The following KLHDC4 variants were observed in gnomAD, a reference collection of about 807,000 sequenced individuals.
KLHDC4 encodes the protein kelch domain containing 4.
Under a neutral mutation model 62.4 loss-of-function variants are expected in KLHDC4, and 90 were observed. The ratio of observed to expected loss-of-function variants is 1.44; its 90% CI spans 1.22 to 1.72. The LOEUF is 1.72. Ranked by LOEUF, KLHDC4 falls within the 40% of genes most tolerant of loss-of-function variation. KLHDC4 has a pLI of 0.00. For missense variants in KLHDC4, 1,025 were observed against 699.7 expected (o/e 1.47, Z -5.25); for synonymous variants, 386 against 284.4 (o/e 1.36, Z -3.59).
At position 87,754,193 on chromosome 16, in the gene KLHDC4, A is replaced by AAT. The variant is rs544634085; in HGVS notation, c.369+999_369+1000dup. Among the ~76,000 whole-genome samples, 40 of 152,108 alleles carry AAT rather than the reference A, an allele frequency of 2.6e-4. No homozygotes were observed. The South Asian group carries it at 8.3e-3, about 32-fold the overall frequency. On this transcript the variant is annotated intron_variant, in intron 4 of 11. Transcript: ENST00000270583. ...AGAAGGCACCTTAGCCACCTAATACAATCCCAGTCAGGTGTGGTGAGGGGT... is the reference window on the plus strand; with the variant it reads ...AGAAGGCACCTTAGCCACCTAATACAATATCCCAGTCAGGTGTGGTGAGGGGT...
At chr16:87,700,287 C>A (rs1189476196) in exon 1 of KLHDC4, 2 of 154,988 alleles carry the variant, frequency 1.3e-5, no homozygotes, top group Admixed American at 6.5e-5. Flanking sequence ...GATTTTCAGT[C>A]GTCGCCTTCC....
At chr16:87,750,635 C>T (rs116605432) in intron 4 of KLHDC4, among the ~76,000 whole-genome samples, 4 of 152,188 alleles carry the variant, frequency 2.6e-5, no homozygotes, top group Non-Finnish European at 5.9e-5. Context: ...AGGTCAAGTG[C>T]GCCTCGGGTG....
At chr16:87,706,051 G>C (rs913061594), downstream of KLHDC4, among the ~76,000 whole-genome samples, 2 of 151,676 alleles carry the variant, frequency 1.3e-5, no homozygotes, top group Non-Finnish European at 2.9e-5. Flanking sequence ...CTGAGGGGAG[G>C]AGGGGTCGGC....
chr16:87,700,914 G>C (rs2034116728), exon 1 of KLHDC4: 1 of 261,988 alleles, frequency 3.8e-6, no homozygotes, highest in Non-Finnish European at 7.5e-6. Flanking sequence ...GAAGGAGTCA[G>C]TCAACTCAGG....
intron 5 of KLHDC4, among the ~76,000 whole-genome samples, chr16:87,732,331 G>A (rs943489139): frequency 4.6e-5 from 7 of 151,946 alleles, no homozygotes; most frequent in Non-Finnish European, 1.0e-4. Flanking sequence ...CCTGACCTCA[G>A]GTGATTTGCC....
At chr16:87,702,140 A>G in exon 1 of KLHDC4, 1 of 456,168 alleles carries the variant, frequency 2.2e-6, no homozygotes, top group Non-Finnish European at 4.4e-6. Flanking sequence ...TGTGGAACAG[A>G]CCGGGAGATT....
At chr16:87,706,284 G>A (rs1285503204), downstream of KLHDC4, among the ~76,000 whole-genome samples, 1 of 129,260 alleles carries the variant, frequency 7.7e-6, no homozygotes, top group African/African-American at 2.9e-5. Flanking sequence ...GTGGCGGGGA[G>A]GGGGGTGAGC....
chr16:87,721,067 A>G (rs1229247754), intron 7 of KLHDC4, among the ~76,000 whole-genome samples: 1 of 152,156 alleles, frequency 6.6e-6, no homozygotes, highest in Admixed American at 6.5e-5. Flanking sequence ...AACCCCCCAC[A>G]GCCAAGACTT....
At chr16:87,754,983 T>C (rs2044635031) in intron 4 of KLHDC4, among the ~76,000 whole-genome samples, 1 of 152,082 alleles carries the variant, frequency 6.6e-6, no homozygotes, top group African/African-American at 2.4e-5. Flanking sequence ...TTTCATGTGA[T>C]CCTCATGCCA....
intron 6 of KLHDC4, 137 bp from the exon 7 acceptor site, chr16:87,727,061 T>C: frequency 1.2e-6 from 1 of 857,504 alleles, no homozygotes; most frequent in East Asian, 2.8e-5. Context: ...CCTCTGCTCT[T>C]ACACCAACAC....
At chr16:87,706,959 C>T (rs1416987521), downstream of KLHDC4, among the ~76,000 whole-genome samples, 1 of 152,152 alleles carries the variant, frequency 6.6e-6, no homozygotes, top group African/African-American at 2.4e-5. Flanking sequence ...CCGGCTCCGC[C>T]AGGAGGGAAG....
At chr16:87,737,430 A>C (rs1350469841) in intron 5 of KLHDC4, among the ~76,000 whole-genome samples, 1 of 151,878 alleles carries the variant, frequency 6.6e-6, no homozygotes, top group Non-Finnish European at 1.5e-5. Context: ...TCTCCTAAAA[A>C]TACAAAAATT....
At chr16:87,710,015 A>G (rs1200264024) in intron 9 of KLHDC4, 1 of 262,704 alleles carries the variant, frequency 3.8e-6, no homozygotes, top group Admixed American at 4.8e-5. Context: ...CACCCTGGGA[A>G]AACCCAATCA....
chr16:87,718,320 C>CCT (rs2037450118), intron 7 of KLHDC4, among the ~76,000 whole-genome samples: 2 of 73,028 alleles, frequency 2.7e-5, no homozygotes, highest in Admixed American at 1.3e-4. Flanking sequence ...TCTCCCTCCC[C>CCT]CTCCCTCTCC....
chr16:87,719,567 AC>A (rs1486238449), intron 7 of KLHDC4, among the ~76,000 whole-genome samples: 1 of 151,962 alleles, frequency 6.6e-6, no homozygotes, highest in Admixed American at 6.6e-5. Context: ...AAAACCAGAG[AC>A]CTTTGTTCAC....
chr16:87,751,612 A>G (rs888054709), intron 4 of KLHDC4, among the ~76,000 whole-genome samples: 4 of 152,182 alleles, frequency 2.6e-5, no homozygotes, highest in Non-Finnish European at 4.4e-5. Flanking sequence ...TACACCTTAC[A>G]TAATCAGTCC....
chr16:87,747,645 G>A (rs1027664831), intron 5 of KLHDC4: 1 of 152,412 alleles, frequency 6.6e-6, no homozygotes, highest in South Asian at 2.1e-4. Context: ...CAGGGAATCT[G>A]TCTGCACCCT....
At chr16:87,744,430 A>C (rs981672136) in intron 5 of KLHDC4, among the ~76,000 whole-genome samples, 2 of 151,746 alleles carry the variant, frequency 1.3e-5, no homozygotes, top group African/African-American at 2.4e-5. Flanking sequence ...AAAAAAAAAA[A>C]AAATTAGCCA....
intron 7 of KLHDC4, among the ~76,000 whole-genome samples, chr16:87,715,699 T>A (rs1423170720): frequency 6.6e-6 from 1 of 152,166 alleles, no homozygotes; most frequent in African/African-American, 2.4e-5. Flanking sequence ...GAAGTGCCCA[T>A]CTCATCACAT....
Sources: allele counts gnomAD v4.1 joint callset (sites outside exome capture counted in the v4.1 genomes callset), GRCh38; gene constraint gnomAD v4.1.1; transcripts MANE v1.5; gene names NCBI Gene and HGNC (gene_info 2026-07-23, HGNC 2026-07-21).